TYW1B: variants seen among roughly 807,000 people sequenced by gnomAD.
TYW1B encodes the protein tRNA-yW synthesizing protein 1 homolog B.
TYW1B carries 73 observed loss-of-function variants against 86.9 expected under a neutral mutation model. The ratio of observed to expected loss-of-function variants is 0.84; its 90% CI spans 0.70 to 1.02. TYW1B has a LOEUF of 1.02. TYW1B is among the 50% of genes least tolerant of loss of function. The pLI is 0.00. For synonymous variants in TYW1B, 248 were observed against 292.8 expected (o/e 0.85, Z 1.56); for missense variants, 637 against 827.4 (o/e 0.77, Z 2.82).
intron 8 of TYW1B, among the ~76,000 whole-genome samples, chr7:72,737,147 AG>A (rs1416233662): frequency 6.6e-6 from 1 of 152,244 alleles, no homozygotes; most frequent in Non-Finnish European, 1.5e-5. Context: ...TGAGGCTCAG[AG>A]GCTATTTTAA....
intron 9 of TYW1B, among the ~76,000 whole-genome samples, chr7:72,724,720 GTTA>G (rs1786967068): frequency 6.6e-6 from 1 of 152,074 alleles, no homozygotes; most frequent in Non-Finnish European, 1.5e-5. Context: ...ATGGTAACAT[GTTA>G]TCAAGTCAAT....
intron 12 of TYW1B, among the ~76,000 whole-genome samples, chr7:72,623,442 T>C (rs1191358942): frequency 6.6e-6 from 1 of 152,150 alleles, no homozygotes; most frequent in Non-Finnish European, 1.5e-5. Context: ...GAGAGACTTT[T>C]CCTTTTTACC....
chr7:72,821,012 C>T (rs1788818316), intron 2 of TYW1B, among the ~76,000 whole-genome samples: 1 of 152,070 alleles, frequency 6.6e-6, no homozygotes, highest in South Asian at 2.1e-4. Context: ...TCACTCTGTC[C>T]CCCAGGCTGG....
intron 13 of TYW1B, among the ~76,000 whole-genome samples, chr7:72,614,223 G>T (rs1812009959): frequency 6.6e-6 from 1 of 151,750 alleles, no homozygotes; most frequent in African/African-American, 2.4e-5. Context: ...AAGGAAAGAA[G>T]GGAATACAGG....
rs1489389772 is a variant in TYW1B at position 72,703,056 on chromosome 7, G to A, written c.1371-8234C>T. 9.7e-5 allele frequency among the ~76,000 whole-genome samples: 12 copies of A among 123,206 alleles called. 1 individual carries two copies. Among genetic ancestry groups the A allele is most frequent in the African/African-American group, 2.8e-4 (9 of 31,906 alleles). 80.8% of individuals were successfully genotyped at this position (123,206 alleles called of 152,430 possible). A position where few individuals can be genotyped will look rare whatever the true frequency, so the allele number is the denominator to read the frequency against. On this transcript the variant is annotated intron_variant, in intron 10 of 13. Coordinates refer to ENST00000620995, the MANE Select transcript of TYW1B (RefSeq NM_001145440.3). Reference sequence around the variant, plus strand: ...TTTTTTTTTTTTGAGATGGAGTCTCGCTCTTTCTCCCAGGCCAGAGTGCAG... The same window carrying A: ...TTTTTTTTTTTTGAGATGGAGTCTCACTCTTTCTCCCAGGCCAGAGTGCAG...
chr7:72,688,739 C>T (rs1814068579), intron 11 of TYW1B, among the ~76,000 whole-genome samples: 3 of 152,184 alleles, frequency 2.0e-5, no homozygotes, highest in African/African-American at 7.2e-5. Context: ...CAATGTTCTC[C>T]TGAGTCTCCA....
chr7:72,674,562 C>T (rs1272399893), intron 11 of TYW1B, among the ~76,000 whole-genome samples: 5 of 152,102 alleles, frequency 3.3e-5, no homozygotes, highest in African/African-American at 1.2e-4. Flanking sequence ...CTGTAATGCT[C>T]AGCCACGCAG....
chr7:72,776,556 CAAAAAAAAAAAA>C (rs67553013), intron 7 of TYW1B, among the ~76,000 whole-genome samples: 1 of 45,246 alleles, frequency 2.2e-5, no homozygotes, highest in African/African-American at 9.4e-5. Flanking sequence ...GACTCTGTCT[CAAAAAAAAAAAA>C]AAAAAAAAAA....
At chr7:72,702,599 C>T (rs1232393755) in intron 10 of TYW1B, among the ~76,000 whole-genome samples, 2 of 152,020 alleles carry the variant, frequency 1.3e-5, no homozygotes, top group African/African-American at 4.8e-5. Flanking sequence ...GTAGGTCAAG[C>T]TGGTCTTGAA....
chr7:72,809,797 C>A (rs1788568836), intron 4 of TYW1B, among the ~76,000 whole-genome samples: 1 of 152,052 alleles, frequency 6.6e-6, no homozygotes, highest in Admixed American at 6.6e-5. Flanking sequence ...GTCAGGAGTT[C>A]AAACAGCTTG....
intron 2 of TYW1B, 28 bp from the exon 3 acceptor site, chr7:72,815,509 A>G: frequency 1.3e-6 from 2 of 1,592,372 alleles, no homozygotes; most frequent in Non-Finnish European, 1.7e-6. Context: ...AACTTCAAAT[A>G]AAGTCTTCAA....
intron 13 of TYW1B, among the ~76,000 whole-genome samples, chr7:72,602,960 T>G (rs1413409725): frequency 6.6e-6 from 1 of 150,666 alleles, no homozygotes; most frequent in Admixed American, 6.6e-5. Flanking sequence ...CTGGGACAAT[T>G]TGAGCAACAA....
chr7:72,792,088 G>GGGAGACCGAGGCGGGTGA (rs1788229543), intron 6 of TYW1B, among the ~76,000 whole-genome samples: 1 of 152,130 alleles, frequency 6.6e-6, no homozygotes, highest in African/African-American at 2.4e-5. Flanking sequence ...CCAACACTTT[G>GGGAGACCGAGGCGGGTGA]GGAGACCGAG....
At chr7:72,826,356 T>G (rs1554481412) in intron 2 of TYW1B, among the ~76,000 whole-genome samples, 1 of 152,176 alleles carries the variant, frequency 6.6e-6, no homozygotes, top group African/African-American at 2.4e-5. Context: ...ACACCTGTAT[T>G]TTTCTCTTAA....
chr7:72,589,524 C>T (rs1273096027), intron 13 of TYW1B, among the ~76,000 whole-genome samples: 1 of 152,196 alleles, frequency 6.6e-6, no homozygotes, highest in Non-Finnish European at 1.5e-5. Context: ...CCAGCAGGAA[C>T]AGCTGGGAGT....
intron 12 of TYW1B, among the ~76,000 whole-genome samples, chr7:72,624,536 A>C (rs761525487): frequency 1.6e-4 from 24 of 152,182 alleles, no homozygotes; most frequent in Non-Finnish European, 2.8e-4. Flanking sequence ...CTATTCTGTA[A>C]ATATCCCTTT....
At chr7:72,704,046 C>T (rs528186183) in intron 10 of TYW1B, among the ~76,000 whole-genome samples, 1 of 152,216 alleles carries the variant, frequency 6.6e-6, no homozygotes, top group South Asian at 2.1e-4. Context: ...GCTTTGTAGT[C>T]TGTCATTCTT....
intron 13 of TYW1B, among the ~76,000 whole-genome samples, chr7:72,576,509 C>CTTT (rs11334473): frequency 2.3e-4 from 28 of 120,092 alleles, no homozygotes; most frequent in Admixed American, 3.6e-4. Context: ...ATGCCACTGT[C>CTTT]TTTTTTTTTT....
chr7:72,575,266 T>C lies in TYW1B; in HGVS notation c.*232A>G, dbSNP rs1409014849. 1.5e-6 allele frequency: 2 copies of C among 1,360,944 alleles called. No homozygotes were observed. Among genetic ancestry groups the C allele is most frequent in the Admixed American group, 3.2e-5 (1 of 31,422 alleles). The allele number at this position is 1,360,944 out of a possible 1,614,324, so 84.3% of individuals were successfully genotyped here. A position where few individuals can be genotyped will look rare whatever the true frequency, so the allele number is the denominator to read the frequency against. ...GTTCCTCCCCAAAATAATTTTCCTC[T>C]TAGAAGTAAAATCAGGAAAGGGGCT... On this transcript the variant is annotated 3_prime_UTR_variant, in exon 14 of 14. Transcript: ENST00000620995.
Sources: allele counts gnomAD v4.1 joint callset (sites outside exome capture counted in the v4.1 genomes callset), GRCh38; gene constraint gnomAD v4.1.1; transcripts MANE v1.5; gene names NCBI Gene and HGNC (gene_info 2026-07-23, HGNC 2026-07-21).